DNAH7: variants seen among roughly 807,000 people sequenced by gnomAD.
DNAH7 encodes dynein axonemal heavy chain 7.
DNAH7 carries 397 observed loss-of-function variants against 444.6 expected under a neutral mutation model. That is an observed-to-expected ratio of 0.89 (90% CI 0.82 to 0.97). The LOEUF is 0.97. Ranked by LOEUF, DNAH7 falls within the 50% of genes least tolerant of loss-of-function variation. The pLI, the probability that DNAH7 is intolerant of heterozygous loss-of-function variation, is 0.00. For missense variants in DNAH7, 4,902 were observed against 4,800.8 expected, an observed-to-expected ratio of 1.02 and a Z score of -0.62; for synonymous variants, 1,636 against 1,624.4, an observed-to-expected ratio of 1.01 and a Z score of -0.17.
rs139545328 is a variant in DNAH7 at position 195,954,244 on chromosome 2, T to C, written c.3078+3017A>G. ...TTCCTGTGTCCAGGTGTTCTCACTG[T>C]TCAATTCCCACCTATGAGTGAGAAC... On this transcript the variant is annotated intron_variant, in intron 19 of 64. Coordinates refer to ENST00000312428, the MANE Select transcript of DNAH7 (RefSeq NM_018897.3). Among the ~76,000 whole-genome samples, 1,439 of 152,306 alleles carry C rather than the reference T, an allele frequency of 9.4e-3. 27 individuals carry two copies. Among genetic ancestry groups the C allele is most frequent in the African/African-American group, 0.032 (1,342 of 41,560 alleles).
At chr2:195,910,888 G>A (rs535280917) in intron 24 of DNAH7, among the ~76,000 whole-genome samples, 3 of 152,212 alleles carry the variant, frequency 2.0e-5, no homozygotes, top group East Asian at 1.9e-4. Context: ...TGTATCATTT[G>A]TGCAGGGAAA....
intron 10 of DNAH7, among the ~76,000 whole-genome samples, chr2:196,006,203 G>A (rs1304526658): frequency 1.5e-4 from 23 of 151,976 alleles, no homozygotes. Context: ...CTACTCAGGG[G>A]GATAAGGCAC....
Position 196,066,776 on chromosome 2 carries a change from C to T in DNAH7, c.15+1921G>A, listed in dbSNP as rs1698451983. ...TCCTTCAGCAAATACGATTTTACCA[C>T]CTGCTCACTTTCTCAAACTGAATGA... On this transcript the variant is annotated intron_variant, in intron 1 of 64. Coordinates refer to ENST00000312428, the MANE Select transcript of DNAH7 (RefSeq NM_018897.3). Among the ~76,000 whole-genome samples, 3 of 152,180 alleles carry T rather than the reference C, an allele frequency of 2.0e-5. No individual in the cohort carries two copies. The South Asian group carries it at 6.2e-4, about 32-fold the overall frequency.
In DNAH7 at chr2:195,864,966, A is replaced by T. The variant is rs1381517913; in HGVS notation, c.6689T>A (p.Ile2230Asn). The T allele has an allele frequency of 6.2e-7, 1 of 1,607,162 alleles. No homozygotes were observed. Among genetic ancestry groups the T allele is most frequent in the Admixed American group, 1.7e-5 (1 of 60,010 alleles). ...LLDNTDRSWL[I>N]NYIQEILRNY... ...TCTCAAAATTTCTTGAATGTAGTTG[A>T]TGAGCCAGCTTCTGTCTGTATTGTC... Residue 2230 changes from isoleucine to asparagine, a missense_variant, in exon 41 of 65, where the codon ATC becomes AAC. Transcript: ENST00000312428.
chr2:195,771,431 T>C (rs1694834961), intron 61 of DNAH7, among the ~76,000 whole-genome samples: 1 of 152,118 alleles, frequency 6.6e-6, no homozygotes, highest in Non-Finnish European at 1.5e-5. Context: ...ATATATCCAA[T>C]CCAGGGTCCT....
At chr2:195,963,003 T>C (rs1294203518) in intron 17 of DNAH7, among the ~76,000 whole-genome samples, 1 of 152,234 alleles carries the variant, frequency 6.6e-6, no homozygotes, top group Non-Finnish European at 1.5e-5. Flanking sequence ...ACATTTTCTT[T>C]ATCTATTCAT....
intron 19 of DNAH7, 107 bp from the exon 20 acceptor site, chr2:195,936,899 G>T: frequency 1.0e-6 from 1 of 990,070 alleles, no homozygotes. Context: ...CAAAGGTTAT[G>T]TAAATTTTAA....
Position 195,882,252 on chromosome 2 carries a change from A to G in DNAH7, c.5764-260T>C, listed in dbSNP as rs368548544. On this transcript the variant is annotated intron_variant, in intron 35 of 64. Coordinates refer to ENST00000312428, the MANE Select transcript of DNAH7 (RefSeq NM_018897.3). ...CTGAAATCACTGCTTATGCCAACCT[A>G]ATAATCAATTATTGTGGCCAAATGT... Among the ~76,000 whole-genome samples, 5 of 152,326 alleles carry G rather than the reference A, an allele frequency of 3.3e-5. No individual in the cohort carries two copies. In the South Asian group the frequency reaches 8.3e-4, roughly 25 times the overall value.
chr2:195,900,155 T>C, intron 28 of DNAH7, 127 bp downstream of exon 28: 1 of 973,292 alleles, frequency 1.0e-6, no homozygotes, highest in South Asian at 1.6e-5. Context: ...AATACATTTT[T>C]GGTTTAATAA....
intron 44 of DNAH7, among the ~76,000 whole-genome samples, chr2:195,856,754 C>T (rs1318654814): frequency 6.6e-6 from 1 of 152,162 alleles, no homozygotes; most frequent in African/African-American, 2.4e-5. Flanking sequence ...CCCTGGGGAT[C>T]CTGACGACAC....
At chr2:195,950,867 A>AAAAAAAAAAAC (rs1559262879) in intron 19 of DNAH7, among the ~76,000 whole-genome samples, 6 of 149,092 alleles carry the variant, frequency 4.0e-5, no homozygotes, top group African/African-American at 1.2e-4. Flanking sequence ...AAAAAAAAAA[A>AAAAAAAAAAAC]AAAAAAAAAA....
At chr2:195,858,374 A>C in intron 43 of DNAH7, 100 bp downstream of exon 43, 1 of 963,636 alleles carries the variant, frequency 1.0e-6, no homozygotes, top group Non-Finnish European at 1.4e-6. Context: ...TTAAAATTTC[A>C]GGCTAATTCG....
intron 5 of DNAH7, among the ~76,000 whole-genome samples, chr2:196,041,251 T>TAACAAC (rs749235955): frequency 1.3e-5 from 2 of 151,454 alleles, no homozygotes; most frequent in African/African-American, 4.8e-5. Context: ...CCCTAATCCT[T>TAACAAC]AACAACAACA....
intron 10 of DNAH7, among the ~76,000 whole-genome samples, chr2:196,009,042 T>C (rs1050023562): frequency 8.6e-5 from 13 of 152,028 alleles, no homozygotes; most frequent in African/African-American, 3.1e-4. Context: ...AGGAGGAAGG[T>C]GCCATACACT....
intron 19 of DNAH7, among the ~76,000 whole-genome samples, chr2:195,945,490 T>C (rs1028371722): frequency 6.6e-6 from 1 of 152,138 alleles, no homozygotes; most frequent in African/African-American, 2.4e-5. Context: ...ACAGCAGAAA[T>C]AGCTAAAATG....
At chr2:196,024,321 A>G (rs1695549067) in intron 8 of DNAH7, 108 bp downstream of exon 8, 1 of 695,106 alleles carries the variant, frequency 1.4e-6, no homozygotes, top group East Asian at 3.2e-5. Context: ...ACACATATAC[A>G]TTTATATATA....
At chr2:196,027,794 G>C (rs898606886) in intron 6 of DNAH7, among the ~76,000 whole-genome samples, 166 bp downstream of exon 6, 1 of 152,098 alleles carries the variant, frequency 6.6e-6, no homozygotes, top group Admixed American at 6.6e-5. Context: ...GGGAGAGAAT[G>C]ATTTCTTCTA....
At chr2:195,945,301 A>T (rs1312974337) in intron 19 of DNAH7, among the ~76,000 whole-genome samples, 1 of 152,190 alleles carries the variant, frequency 6.6e-6, no homozygotes, top group African/African-American at 2.4e-5. Flanking sequence ...CCCAATCAGG[A>T]CTAAAGGATA....
chr2:195,876,525 C>G lies in DNAH7; in HGVS notation c.6117+19G>C, dbSNP rs1701068803. 2 of 1,610,844 alleles carry G rather than the reference C, an allele frequency of 1.2e-6. No homozygotes were observed. Among genetic ancestry groups the G allele is most frequent in the African/African-American group, 2.7e-5 (2 of 74,896 alleles). On this transcript the variant is annotated intron_variant, in intron 37 of 64. Transcript: ENST00000312428. ...CAATGTATATGAATAGGCCCGGGTACTGTACAAAGAGTCATTACCATTCTC... is the reference window on the plus strand; with the variant it reads ...CAATGTATATGAATAGGCCCGGGTAGTGTACAAAGAGTCATTACCATTCTC...
Sources: allele counts gnomAD v4.1 joint callset (sites outside exome capture counted in the v4.1 genomes callset), GRCh38; gene constraint gnomAD v4.1.1; transcripts MANE v1.5; gene names NCBI Gene and HGNC (gene_info 2026-07-23, HGNC 2026-07-21).